The following TRPC4 variants were observed in gnomAD, a reference collection of about 807,000 sequenced individuals.
TRPC4 encodes transient receptor potential cation channel subfamily C member 4.
TRPC4 carries 49 observed loss-of-function variants against 99.4 expected under a neutral mutation model. The observed-to-expected ratio is 0.49, with a 90% CI of 0.39 to 0.63. The LOEUF is 0.63. Ranked by LOEUF, TRPC4 falls within the 20% of genes least tolerant of loss-of-function variation. The probability of loss-of-function intolerance (pLI) is 0.00; values close to 1 mark genes in which losing one functional copy is unlikely to be tolerated. For missense variants in TRPC4, 898 were observed against 1,152.9 expected (o/e 0.78, Z 3.20); for synonymous variants, 454 against 425.9 (o/e 1.07, Z -0.81).
At chr13:37,667,877 T>C (rs1952702794) in intron 5 of TRPC4, among the ~76,000 whole-genome samples, 1 of 152,242 alleles carries the variant, frequency 6.6e-6, no homozygotes, top group South Asian at 2.1e-4. Context: ...ACCATTTCTC[T>C]AGAATGAATT....
chr13:37,726,365 G>T (rs1376535794), intron 3 of TRPC4, among the ~76,000 whole-genome samples: 3 of 152,060 alleles, frequency 2.0e-5, no homozygotes, highest in East Asian at 1.9e-4. Context: ...TGGAGATGGA[G>T]CTAAAAAGAA....
chr13:37,848,611 A>G (rs190429350), intron 1 of TRPC4, among the ~76,000 whole-genome samples: 1 of 152,252 alleles, frequency 6.6e-6, no homozygotes, highest in Admixed American at 6.5e-5. Context: ...TCTCTCCAAT[A>G]TGACACACAC....
intron 3 of TRPC4, among the ~76,000 whole-genome samples, chr13:37,698,260 T>C: frequency 7.0e-6 from 1 of 143,728 alleles, no homozygotes. Flanking sequence ...TCCCGGGTTC[T>C]TGCCATTCTC....
intron 3 of TRPC4, among the ~76,000 whole-genome samples, chr13:37,698,660 A>G (rs887574472): frequency 1.3e-5 from 2 of 152,180 alleles, no homozygotes; most frequent in African/African-American, 4.8e-5. Flanking sequence ...TTTTAGTATA[A>G]TATCTAATTA....
intron 1 of TRPC4, among the ~76,000 whole-genome samples, chr13:37,812,657 T>C (rs1015707220): frequency 2.0e-5 from 3 of 152,006 alleles, no homozygotes; most frequent in Non-Finnish European, 1.5e-5. Context: ...CTAATATATA[T>C]TTAATTAGTG....
intron 2 of TRPC4, among the ~76,000 whole-genome samples, chr13:37,757,145 T>A (rs1301931888): frequency 6.6e-6 from 1 of 151,996 alleles, no homozygotes; most frequent in Non-Finnish European, 1.5e-5. Context: ...AATAAAAAGT[T>A]ACACTGGAAG....
intron 5 of TRPC4, among the ~76,000 whole-genome samples, chr13:37,672,918 G>T (rs1292308895): frequency 6.6e-6 from 1 of 152,130 alleles, no homozygotes; most frequent in Non-Finnish European, 1.5e-5. Flanking sequence ...CATTTTAACA[G>T]AAAACTATGG....
intron 1 of TRPC4, among the ~76,000 whole-genome samples, chr13:37,854,354 G>A (rs1303179501): frequency 6.6e-6 from 1 of 152,028 alleles, no homozygotes; most frequent in Non-Finnish European, 1.5e-5. Context: ...TGAAGGATAA[G>A]TAAAGACTTT....
chr13:37,633,268 G>A lies in TRPC4; in HGVS notation c.*3635C>T, dbSNP rs2957211. On this transcript the variant is annotated 3_prime_UTR_variant, in exon 11 of 11. Transcript: ENST00000379705. ...TTAAGTCAGAATTTCAGATAATACA[G>A]AGAAAGAAAAATATATTGTAAGCAT... Among the ~76,000 whole-genome samples the A allele has an allele frequency of 0.97, 147,883 of 152,240 alleles. 71,962 individuals carry two copies. The highest frequency in any genetic ancestry group is 1 in the East Asian group (5,182 of 5,182).
chr13:37,639,376 G>C lies in TRPC4; in HGVS notation c.2080-77C>G, dbSNP rs543496732. On this transcript the variant is annotated intron_variant, in intron 8 of 10. Coordinates refer to ENST00000379705, the MANE Select transcript of TRPC4 (RefSeq NM_016179.4). ...TAAAAAATAATTTATTTTTTTAATC[G>C]ATAATGTTTTTATTCTTATTTCTTC... The C allele has an allele frequency of 2.8e-6, 4 of 1,436,152 alleles. No individual in the cohort carries two copies. In the African/African-American group the frequency reaches 4.4e-5, roughly 16 times the overall value. 89.0% of individuals were successfully genotyped at this position (1,436,152 alleles called of 1,614,324 possible). A position where few individuals can be genotyped will look rare whatever the true frequency, so the allele number is the denominator to read the frequency against.
intron 3 of TRPC4, among the ~76,000 whole-genome samples, chr13:37,742,491 G>A (rs565716845): frequency 6.6e-6 from 1 of 152,260 alleles, no homozygotes; most frequent in East Asian, 1.9e-4. Flanking sequence ...ACTGCCTAGA[G>A]GAGGAGATGG....
intron 6 of TRPC4, among the ~76,000 whole-genome samples, chr13:37,663,086 CT>C (rs1448331967): frequency 6.6e-6 from 1 of 152,152 alleles, no homozygotes; most frequent in Non-Finnish European, 1.5e-5. Flanking sequence ...CATGTTCTAT[CT>C]TTTAATGTAC....
At chr13:37,827,505 C>T (rs36015909) in intron 1 of TRPC4, among the ~76,000 whole-genome samples, 42,852 of 151,644 alleles carry the variant, frequency 0.28, 6,129 homozygotes, top group East Asian at 0.42. Flanking sequence ...GGACCCTCAG[C>T]TGCAGGTCTG....
intron 2 of TRPC4, among the ~76,000 whole-genome samples, chr13:37,748,320 A>C (rs1955841569): frequency 6.6e-6 from 1 of 152,118 alleles, no homozygotes; most frequent in Non-Finnish European, 1.5e-5. Flanking sequence ...ATTTGAAGGC[A>C]ATTTCTGGAT....
intron 6 of TRPC4, among the ~76,000 whole-genome samples, chr13:37,658,093 T>C (rs991732218): frequency 6.6e-6 from 1 of 152,184 alleles, no homozygotes; most frequent in East Asian, 1.9e-4. Flanking sequence ...CCCAAATCTA[T>C]TGAGACCAAC....
At chr13:37,784,265 C>A (rs955144029) in intron 1 of TRPC4, among the ~76,000 whole-genome samples, 2 of 152,000 alleles carry the variant, frequency 1.3e-5, no homozygotes, top group Admixed American at 1.3e-4. Context: ...ATTCTACTGC[C>A]TTTAAAAAAT....
intron 1 of TRPC4, among the ~76,000 whole-genome samples, chr13:37,835,355 T>C (rs1958538110): frequency 6.6e-6 from 1 of 152,218 alleles, no homozygotes; most frequent in African/African-American, 2.4e-5. Context: ...TTTCTCTCTC[T>C]GGTATTAATG....
At chr13:37,829,988 C>A (rs4420395) in intron 1 of TRPC4, among the ~76,000 whole-genome samples, 43,413 of 151,744 alleles carry the variant, frequency 0.29, 6,352 homozygotes, top group East Asian at 0.43. Context: ...TTGGATGGGG[C>A]TGAGTGCAGT....
chr13:37,675,978 A>G (rs1053522593), intron 4 of TRPC4, among the ~76,000 whole-genome samples: 12 of 152,164 alleles, frequency 7.9e-5, no homozygotes, highest in African/African-American at 2.9e-4. Flanking sequence ...TTTCCACCCT[A>G]AGCTGTGGCA....
Sources: allele counts gnomAD v4.1 joint callset (sites outside exome capture counted in the v4.1 genomes callset), GRCh38; gene constraint gnomAD v4.1.1; transcripts MANE v1.5; gene names NCBI Gene and HGNC (gene_info 2026-07-23, HGNC 2026-07-21).